The following POU2F2 variants were observed in gnomAD, a reference collection of about 807,000 sequenced individuals.
POU2F2 encodes POU domain, class 2, transcription factor 2.
In POU2F2, 14 loss-of-function variants were observed where a neutral mutation model predicts 63.5. That is an observed-to-expected ratio of 0.22 (90% CI 0.15 to 0.34). The LOEUF is 0.34. POU2F2 is among the 10% of genes least tolerant of loss of function. POU2F2 has a pLI of 1.00. For synonymous variants in POU2F2, 306 were observed against 348.6 expected (o/e 0.88, Z 1.36); for missense variants, 607 against 815.2 (o/e 0.74, Z 3.11).
chr19:42,092,144 G>T lies in POU2F2; in HGVS notation c.1391C>A (p.Thr464Asn), dbSNP rs1469356128. The change falls in exon 13 of 15, where the codon ACC (threonine) becomes AAC (asparagine). Residue 464 changes from threonine (T) to asparagine (N), a missense_variant. Coordinates refer to ENST00000692977, the MANE Select transcript of POU2F2 (RefSeq NM_001394376.1). This position sits in a 1 kb window ranked among gnomAD's most constrained non-coding sequence, Gnocchi z 5.0. ...AGGGCTGGGGTTTGTGCTGTTGGTG[G>T]TGGCCGGGGGTGGGGGAGTGACAGA... The part of the protein sequence containing the change: ...IPSVTPPPPA[T>N]TNSTNPSPQG... 6.3e-7 allele frequency: 1 copy of T among 1,582,250 alleles called. No homozygotes were observed. The highest frequency in any genetic ancestry group is 1.8e-5 in the Admixed American group (1 of 54,416).
At chr19:42,093,790 C>A in intron 12 of POU2F2, 39 bp downstream of exon 12, 1 of 1,576,094 alleles carries the variant, frequency 6.3e-7, no homozygotes, top group Non-Finnish European at 8.7e-7. Context: ...TGTGCCACAT[C>A]CTCCCAGTCC....
In POU2F2 at chr19:42,146,773, C is replaced by T. The variant is rs1386462574; in HGVS notation, c.-9+13559G>A. ...AAATATAAGCAACCCAGGCATCTGC[C>T]TCATGGAGGCTTCCTGCAGCCTCCT... On this transcript the variant is annotated intron_variant, in intron 2 of 6. Coordinates refer to the POU2F2 transcript ENST00000524801. Among the ~76,000 whole-genome samples the T allele has an allele frequency of 3.3e-5, 5 of 152,222 alleles. No individual in the cohort carries two copies. The East Asian group carries it at 7.7e-4, about 23-fold the overall frequency.
intron 1 of POU2F2, among the ~76,000 whole-genome samples, chr19:42,188,227 G>A (rs1378518437): frequency 1.3e-5 from 2 of 151,900 alleles, no homozygotes; most frequent in Non-Finnish European, 2.9e-5. Flanking sequence ...TTAGCCAGGC[G>A]TGGTGGTGCG....
intron 1 of POU2F2, among the ~76,000 whole-genome samples, chr19:42,163,338 G>A (rs575913988): frequency 6.6e-6 from 1 of 152,120 alleles, no homozygotes; most frequent in African/African-American, 2.4e-5. Flanking sequence ...GATGAGCCAG[G>A]GATTGATCTG....
chr19:42,146,850 G>A (rs1341753145), intron 2 of POU2F2, among the ~76,000 whole-genome samples: 1 of 152,144 alleles, frequency 6.6e-6, no homozygotes, highest in African/African-American at 2.4e-5. Context: ...GGTTTGGAAG[G>A]GTCAGACTCT....
chr19:42,187,133 A>G (rs2035020949), intron 1 of POU2F2, among the ~76,000 whole-genome samples: 1 of 152,276 alleles, frequency 6.6e-6, no homozygotes, highest in East Asian at 1.9e-4. Flanking sequence ...AAGAGCTCTA[A>G]GCCCAGAAAA....
chr19:42,138,461 C>T (rs2034063010), intron 2 of POU2F2, among the ~76,000 whole-genome samples: 1 of 152,088 alleles, frequency 6.6e-6, no homozygotes, highest in Non-Finnish European at 1.5e-5. Context: ...AAGGTGGAGA[C>T]AAACTTGGCT....
At chr19:42,136,211 G>C (rs1330792282), upstream of POU2F2, among the ~76,000 whole-genome samples, 1 of 125,648 alleles carries the variant, frequency 8.0e-6, no homozygotes, top group Non-Finnish European at 1.6e-5. Context: ...TTTTGAGACT[G>C]TCTGGCTCTG....
Position 42,186,174 on chromosome 19 carries a change from A to C in POU2F2, c.-70+10209T>G, listed in dbSNP as rs563946601. ...TCTCTACTGAAAATACAAAAAAAAAAATTAGCCGGGTGTGGTGGCGGGCGT... is the reference window on the plus strand; with the variant it reads ...TCTCTACTGAAAATACAAAAAAAAACATTAGCCGGGTGTGGTGGCGGGCGT... On this transcript the variant is annotated intron_variant, in intron 1 of 5. Transcript: ENST00000532176. 1.1e-4 allele frequency among the ~76,000 whole-genome samples: 16 copies of C among 152,108 alleles called. No homozygotes were observed. In the East Asian group the frequency reaches 2.3e-3, roughly 22 times the overall value.
At position 42,117,972 on chromosome 19, in the gene POU2F2, T is replaced by G. The variant is rs1341530536; in HGVS notation, c.187-540A>C. Among the ~76,000 whole-genome samples, 1 of 152,176 alleles carries G rather than the reference T, an allele frequency of 6.6e-6. No homozygotes were observed. Among genetic ancestry groups the G allele is most frequent in the Non-Finnish European group, 1.5e-5 (1 of 68,028 alleles). On this transcript the variant is annotated intron_variant, in intron 4 of 14. Transcript: ENST00000692977. The surrounding 1 kb of genome is among the most constrained non-coding windows in gnomAD (Gnocchi z 4.4). ...CAAGGTCTCACTCTGTTGCCCAAGC[T>G]GAAGTGCAGTGGCATGATCACAGCT...
chr19:42,101,273 C>A (rs1230704947), intron 5 of POU2F2, among the ~76,000 whole-genome samples: 1 of 151,674 alleles, frequency 6.6e-6, no homozygotes, highest in African/African-American at 2.4e-5. Context: ...TCCCTGCCAC[C>A]CCCCAAAAAG....
At chr19:42,140,798 T>A (rs142163599) in intron 2 of POU2F2, among the ~76,000 whole-genome samples, 25 of 152,346 alleles carry the variant, frequency 1.6e-4, no homozygotes, top group African/African-American at 5.5e-4. Context: ...GTGCCTGGCA[T>A]ATAGTTGATG....
At chr19:42,182,078 G>C (rs2034967186) in intron 1 of POU2F2, among the ~76,000 whole-genome samples, 1 of 151,978 alleles carries the variant, frequency 6.6e-6, no homozygotes, top group Non-Finnish European at 1.5e-5. Flanking sequence ...GAAGAAACTG[G>C]GGAGAAGGAA....
intron 1 of POU2F2, among the ~76,000 whole-genome samples, chr19:42,124,698 GT>G (rs2146654475): frequency 6.6e-6 from 1 of 152,352 alleles, no homozygotes; most frequent in East Asian, 1.9e-4. Flanking sequence ...TAAATAAAAT[GT>G]GGTATGTCCA....
chr19:42,149,703 A>T (rs1412413334), intron 2 of POU2F2, among the ~76,000 whole-genome samples: 1 of 152,108 alleles, frequency 6.6e-6, no homozygotes, highest in Non-Finnish European at 1.5e-5. Flanking sequence ...AGGAGAGAAA[A>T]GAAAGAGGGA....
rs1257506388 is a variant in POU2F2 at position 42,155,385 on chromosome 19, C to T, written c.-9+4947G>A. On this transcript the variant is annotated intron_variant, in intron 2 of 6. Transcript: ENST00000524801. This position sits in a 1 kb window ranked among gnomAD's most constrained non-coding sequence, Gnocchi z 4.2. ...GTTTCTGTCATGAGGTGCATGCTCC[C>T]TGGGTCTCCCTCTCCCTCCACTCCC... 6.6e-6 allele frequency among the ~76,000 whole-genome samples: 1 copy of T among 152,120 alleles called. No individual in the cohort carries two copies. Among genetic ancestry groups the T allele is most frequent in the Non-Finnish European group, 1.5e-5 (1 of 68,006 alleles).
upstream of POU2F2, among the ~76,000 whole-genome samples, chr19:42,179,301 G>A (rs1253272447): frequency 2.0e-5 from 3 of 152,100 alleles, no homozygotes; most frequent in Non-Finnish European, 2.9e-5. Flanking sequence ...CAGTCACCAA[G>A]CACCTCCCCT....
chr19:42,099,941 AC>A, intron 5 of POU2F2, 120 bp from the exon 6 acceptor site: 1 of 775,544 alleles, frequency 1.3e-6, no homozygotes, highest in Non-Finnish European at 2.1e-6. Context: ...GCGATCTGGC[AC>A]TGGGCAGTGA....
intron 5 of POU2F2, 78 bp from the exon 6 acceptor site, chr19:42,099,899 G>A (rs2077065631): frequency 3.3e-6 from 4 of 1,205,554 alleles, no homozygotes; most frequent in Admixed American, 4.0e-5. Flanking sequence ...CCTGAACCTT[G>A]AGGGGCTGAA....
Sources: allele counts gnomAD v4.1 joint callset (sites outside exome capture counted in the v4.1 genomes callset), GRCh38; gene constraint gnomAD v4.1.1; non-coding constraint Gnocchi (gnomAD v3.1); transcripts MANE v1.5; gene names NCBI Gene and HGNC (gene_info 2026-07-23, HGNC 2026-07-21).